FBXL19: variants seen among roughly 807,000 people sequenced by gnomAD.
FBXL19 encodes the protein F-box and leucine rich repeat protein 19.
Under a neutral mutation model 71.2 loss-of-function variants are expected in FBXL19, and 16 were observed. The ratio of observed to expected loss-of-function variants is 0.22; its 90% CI spans 0.15 to 0.34. The LOEUF is 0.34. Among genes scored for constraint, FBXL19 ranks in the 10% least tolerant of loss-of-function variants. The pLI is 1.00. For synonymous variants in FBXL19, 447 were observed against 409.4 expected, an observed-to-expected ratio of 1.09 and a Z score of -1.11; for missense variants, 658 against 968.2, an observed-to-expected ratio of 0.68 and a Z score of 4.25.
At chr16:30,926,530 C>T (rs1031095223) in intron 2 of FBXL19, among the ~76,000 whole-genome samples, 4 of 152,094 alleles carry the variant, frequency 2.6e-5, no homozygotes, top group African/African-American at 9.7e-5. Flanking sequence ...CCTCCCTGGG[C>T]TCCAGAGCAC....
intron 7 of FBXL19, among the ~76,000 whole-genome samples, chr16:30,936,434 C>CTTTTT (rs2055733255): frequency 6.7e-6 from 1 of 149,288 alleles, no homozygotes. Flanking sequence ...TTCTGGGCCT[C>CTTTTT]ATTTTTTTTT....
In FBXL19 at chr16:30,925,066, G is replaced by A. The variant is rs1188166637; in HGVS notation, c.-25+607G>A. ...AAGAGGGGCTGAGATCTTGGGCTGA[G>A]AAGGGTCTCTGAAGAAGCATCTCCA... On this transcript the variant is annotated intron_variant, in intron 1 of 10. Coordinates refer to ENST00000338343, the MANE Select transcript of FBXL19 (RefSeq NM_001382779.1). The surrounding 1 kb of genome is among the most constrained non-coding windows in gnomAD (Gnocchi z 5.0). Among the ~76,000 whole-genome samples, 1 of 152,226 alleles carries A rather than the reference G, an allele frequency of 6.6e-6. No individual in the cohort carries two copies. The highest frequency in any genetic ancestry group is 1.5e-5 in the Non-Finnish European group (1 of 68,040).
chr16:30,930,537 G>A lies in FBXL19; in HGVS notation c.1254G>A (p.Pro418=), dbSNP rs373380087. 8.7e-6 allele frequency: 13 copies of A among 1,501,882 alleles called. No homozygotes were observed. Among genetic ancestry groups the A allele is most frequent in the Admixed American group, 6.9e-5 (3 of 43,736 alleles). 93.0% of individuals were successfully genotyped at this position (1,501,882 alleles called of 1,614,324 possible). ...AWLRVFQHLG[P]RELCICMRVC... ...TTCGCGTCTTCCAGCACCTCGGGCC[G>A]CGGGAGCTGTGTATCTGCATGCGAG... Residue 418 remains proline, a synonymous_variant, in exon 7 of 11, where the codon CCG becomes CCA. Transcript: ENST00000338343. This position sits in a 1 kb window ranked among gnomAD's most constrained non-coding sequence, Gnocchi z 8.5.
intron 7 of FBXL19, among the ~76,000 whole-genome samples, chr16:30,934,668 A>AG (rs397824401): frequency 6.6e-6 from 1 of 151,554 alleles, no homozygotes; most frequent in Non-Finnish European, 1.5e-5. Context: ...AAAAAAAAAA[A>AG]TGTGGAATGG....
chr16:30,939,103 G>GCT (rs1373902786), intron 7 of FBXL19, among the ~76,000 whole-genome samples: 1 of 151,642 alleles, frequency 6.6e-6, no homozygotes, highest in Non-Finnish European at 1.5e-5. Flanking sequence ...ACAGAGTCTC[G>GCT]CTCTGTCACC....
At chr16:30,926,663 CTTCTT>C (rs1341011820) in intron 2 of FBXL19, among the ~76,000 whole-genome samples, 1 of 152,072 alleles carries the variant, frequency 6.6e-6, no homozygotes, top group Non-Finnish European at 1.5e-5. Context: ...CAGCCCCTCA[CTTCTT>C]TTCCTTTATC....
chr16:30,923,235 G>T, upstream of FBXL19: 1 of 456,266 alleles, frequency 2.2e-6, no homozygotes, highest in Non-Finnish European at 4.4e-6. Context: ...AGGCCATCTT[G>T]TTTGTAGTCA....
At chr16:30,928,340 A>C (rs2055627224) in intron 5 of FBXL19, 127 bp from the exon 6 acceptor site, 2 of 1,033,398 alleles carry the variant, frequency 1.9e-6, no homozygotes, top group African/African-American at 3.3e-5. Context: ...GCATGCTCAG[A>C]GTTATCCCTG....
intron 7 of FBXL19, among the ~76,000 whole-genome samples, chr16:30,940,114 C>G (rs2055784871): frequency 6.6e-6 from 1 of 152,010 alleles, no homozygotes. Flanking sequence ...AAAAATTAGC[C>G]GGGCGTGGTG....
rs753061922 is a variant in FBXL19, at chr16:30,930,084, G to A, written c.801G>A (p.Pro267=). 16 of 1,611,084 alleles carry A rather than the reference G, an allele frequency of 9.9e-6. No homozygotes were observed. The African/African-American group carries it at 1.6e-4, about 16-fold the overall frequency. Residue 267 remains proline (P), a synonymous_variant, in exon 7 of 11, where the codon CCG becomes CCA. Coordinates refer to ENST00000338343, the MANE Select transcript of FBXL19 (RefSeq NM_001382779.1). The surrounding 1 kb of genome is among the most constrained non-coding windows in gnomAD (Gnocchi z 8.5). ...CTGTCTCCCTGCAGAAACCAAAGCC[G>A]CCTTTGGCCTCTGCAGAGGGCCCAG... is the stretch of plus-strand genomic sequence containing the variant. The part of the protein sequence containing the change: ...LPPENWEKPK[P]PLASAEGPAV...
At chr16:30,935,726 T>C (rs1346890319) in intron 7 of FBXL19, among the ~76,000 whole-genome samples, 1 of 152,066 alleles carries the variant, frequency 6.6e-6, no homozygotes, top group Non-Finnish European at 1.5e-5. Flanking sequence ...CAGCTCCCTG[T>C]TCCCGGGGGC....
Position 30,942,394 on chromosome 16 carries a change from C to T in FBXL19, c.1485C>T (p.Leu495=), listed in dbSNP as rs1463665467. 1.2e-6 allele frequency: 2 copies of T among 1,610,080 alleles called. No individual in the cohort carries two copies. Among genetic ancestry groups the T allele is most frequent in the African/African-American group, 2.7e-5 (2 of 74,954 alleles). Residue 495 remains leucine, a synonymous_variant, in exon 9 of 11, where the codon CTC becomes CTT. Coordinates refer to ENST00000338343, the MANE Select transcript of FBXL19 (RefSeq NM_001382779.1). This position sits in a 1 kb window ranked among gnomAD's most constrained non-coding sequence, Gnocchi z 5.7. The part of the protein sequence containing the change: ...NRLQGLQELV[L]SGCSWLSVSA... ...CCGCAGGCCTGCAGGAGCTGGTGCT[C>T]TCTGGCTGCTCCTGGCTCTCTGTCT...
rs2055871704 is a variant in FBXL19 at position 30,947,349 on chromosome 16, C to T, written c.*119C>T. The T allele has an allele frequency of 5.9e-6, 5 of 848,304 alleles. No individual in the cohort carries two copies. In the Admixed American group the frequency reaches 1.4e-4, roughly 25 times the overall value. 52.5% of individuals were successfully genotyped at this position (848,304 alleles called of 1,614,324 possible). A position where few individuals can be genotyped will look rare whatever the true frequency, so the allele number is the denominator to read the frequency against. The stretch of plus-strand genomic sequence containing the variant: ...CCCTGGGATTCCTGAGTGTCAGTGA[C>T]TTGGGATTCCCACCCAGGGACTCAA... On this transcript the variant is annotated 3_prime_UTR_variant, in exon 11 of 11. Transcript: ENST00000338343.
chr16:30,938,676 G>A lies in FBXL19; in HGVS notation c.1302-3440G>A, dbSNP rs917798715. Among the ~76,000 whole-genome samples the A allele has an allele frequency of 5.9e-5, 9 of 151,812 alleles. No homozygotes were observed. The South Asian group carries it at 1.2e-3, about 21-fold the overall frequency. ...TTTTGAGATGGAGTCTTGCTCTGTCGCCCAGGCTGGAGTGCAGTGGTGCAG... is the reference window on the plus strand; with the variant it reads ...TTTTGAGATGGAGTCTTGCTCTGTCACCCAGGCTGGAGTGCAGTGGTGCAG... On this transcript the variant is annotated intron_variant, in intron 7 of 10. Coordinates refer to ENST00000338343, the MANE Select transcript of FBXL19 (RefSeq NM_001382779.1).
chr16:30,945,381 C>T lies in FBXL19; in HGVS notation c.1628-1349C>T, dbSNP rs147997108. 9.9e-4 allele frequency among the ~76,000 whole-genome samples: 151 copies of T among 152,154 alleles called. 1 individual carries two copies. The highest frequency in any genetic ancestry group is 3.4e-3 in the African/African-American group (143 of 41,512). Reference sequence around the variant, plus strand: ...CTTGTTAAAAAAGTAAACTCTGGGCCGGGCATGGTGGCTCACACCTGTAAT... The same window carrying T: ...CTTGTTAAAAAAGTAAACTCTGGGCTGGGCATGGTGGCTCACACCTGTAAT... On this transcript the variant is annotated intron_variant, in intron 9 of 10. Transcript: ENST00000338343.
chr16:30,940,744 G>A (rs547944726), intron 7 of FBXL19, among the ~76,000 whole-genome samples: 8 of 152,168 alleles, frequency 5.3e-5, no homozygotes, highest in Non-Finnish European at 8.8e-5. Context: ...TCGGCTCGCT[G>A]CAATCTCCGC....
Position 30,946,604 on chromosome 16 carries a change from G to C in FBXL19, c.1628-126G>C, listed in dbSNP as rs748145928. 2.1e-4 allele frequency: 183 copies of C among 891,032 alleles called. No individual in the cohort carries two copies. The highest frequency in any genetic ancestry group is 1.0e-3 in the Middle Eastern group (3 of 2,906). 55.2% of individuals were successfully genotyped at this position (891,032 alleles called of 1,614,324 possible). ...CAGGCCATGAGGGTGTTTTTGAGAA[G>C]AGCAAGCCACAGAGTGCACCAGGTC... On this transcript the variant is annotated intron_variant, in intron 9 of 10. Coordinates refer to ENST00000338343, the MANE Select transcript of FBXL19 (RefSeq NM_001382779.1). The surrounding 1 kb of genome is among the most constrained non-coding windows in gnomAD (Gnocchi z 6.7).
In FBXL19 at chr16:30,947,425, C is replaced by T. The variant is rs1012039784; in HGVS notation, c.*195C>T. ...TGCACTGATATCTCTGGGGGTTTCT[C>T]CTTCCTATGTCCTGCCCCTGCTACC... On this transcript the variant is annotated 3_prime_UTR_variant, in exon 11 of 11. Coordinates refer to ENST00000338343, the MANE Select transcript of FBXL19 (RefSeq NM_001382779.1). 6 of 589,424 alleles carry T rather than the reference C, an allele frequency of 1.0e-5. No individual in the cohort carries two copies. Among genetic ancestry groups the T allele is most frequent in the Non-Finnish European group, 1.8e-5 (6 of 331,518 alleles). 36.5% of individuals were successfully genotyped at this position (589,424 alleles called of 1,614,324 possible). A position where few individuals can be genotyped will look rare whatever the true frequency, so the allele number is the denominator to read the frequency against.
rs2055872883 is a variant in FBXL19 at position 30,947,442 on chromosome 16, C to T, written c.*212C>T. The T allele has an allele frequency of 1.7e-6, 1 of 576,254 alleles. No homozygotes were observed. Among genetic ancestry groups the T allele is most frequent in the South Asian group, 2.1e-5 (1 of 46,988 alleles). 35.7% of individuals were successfully genotyped at this position (576,254 alleles called of 1,614,324 possible). A position where few individuals can be genotyped will look rare whatever the true frequency, so the allele number is the denominator to read the frequency against. On this transcript the variant is annotated 3_prime_UTR_variant, in exon 11 of 11. Coordinates refer to ENST00000338343, the MANE Select transcript of FBXL19 (RefSeq NM_001382779.1). ...GGGTTTCTCCTTCCTATGTCCTGCC[C>T]CTGCTACCTGCTTCATTGTCCATCC... is the stretch of plus-strand genomic sequence containing the variant.
Sources: gnomAD v4.1 joint callset for allele counts (sites outside exome capture counted in the v4.1 genomes callset) on GRCh38, gnomAD v4.1.1 for gene constraint, Gnocchi (gnomAD v3.1) non-coding constraint, MANE v1.5 for transcripts, NCBI Gene and HGNC (gene_info 2026-07-23, HGNC 2026-07-21) for gene names.